EPHA8: variants seen among roughly 807,000 people sequenced by gnomAD.
EPHA8 encodes the protein EPH receptor A8, also known as ephrin type-A receptor 8.
A neutral mutation model predicts 103.6 loss-of-function variants in EPHA8; 58 were observed. That is an observed-to-expected ratio of 0.56 (90% CI 0.45 to 0.70). The LOEUF is 0.70. EPHA8 is among the 30% of genes least tolerant of loss of function. The pLI, the probability that EPHA8 is intolerant of heterozygous loss-of-function variation, is 0.00. For missense variants in EPHA8, 1,304 were observed against 1,395.2 expected (o/e 0.93, Z 1.04); for synonymous variants, 559 against 572.5 (o/e 0.98, Z 0.34).
At chr1:22,586,657 CA>C in intron 4 of EPHA8, 22 bp downstream of exon 4, 1 of 1,611,416 alleles carries the variant, frequency 6.2e-7, no homozygotes, top group Non-Finnish European at 8.5e-7. Context: ...TCCGAGATGC[CA>C]GTACCCTTGA....
At chr1:22,578,361 C>T (rs1399731417) in intron 3 of EPHA8, among the ~76,000 whole-genome samples, 7 of 124,048 alleles carry the variant, frequency 5.6e-5, no homozygotes, top group Non-Finnish European at 1.0e-4. Context: ...TGTGTGCGTG[C>T]ATGTGTGCGT....
chr1:22,569,237 A>T lies in EPHA8; in HGVS notation c.95-52A>T. 2 of 1,596,516 alleles carry T rather than the reference A, an allele frequency of 1.3e-6. No individual in the cohort carries two copies. Among genetic ancestry groups the T allele is most frequent in the Non-Finnish European group, 1.7e-6 (2 of 1,165,082 alleles). ...TAGCTGGGTCAGGCTGCTCTTGAGG[A>T]GCTGGGGAGAAGTCAGAGGGGCCTG... On this transcript the variant is annotated intron_variant, in intron 1 of 16. Transcript: ENST00000166244. The surrounding 1 kb of genome is among the most constrained non-coding windows in gnomAD (Gnocchi z 4.5).
At position 22,576,763 on chromosome 1, in the gene EPHA8, C is replaced by G. The variant is rs372232524; in HGVS notation, c.706C>G (p.His236Asp). ...GGAGGTGAGGGGCCAGTGCGTGCGG[C>G]ACTCAGAGGAGCGGGACACACCCAA... ...LVEVRGQCVR[H>D]SEERDTPKMY... Residue 236 changes from histidine (H) to aspartate (D), a missense_variant, in exon 3 of 17, where the codon CAC (histidine) becomes GAC (aspartate). His to Asp is a moderately conservative substitution (Grantham distance 81). Transcript: ENST00000166244. The surrounding 1 kb of genome is among the most constrained non-coding windows in gnomAD (Gnocchi z 4.8). 1.3e-5 allele frequency: 21 copies of G among 1,613,800 alleles called. No individual in the cohort carries two copies. Among genetic ancestry groups the G allele is most frequent in the Non-Finnish European group, 1.8e-5 (21 of 1,180,038 alleles).
At position 22,591,333 on chromosome 1, in the gene EPHA8, T is replaced by TCCGGAG. The variant is rs1180695753; in HGVS notation, c.1316-1991_1316-1990insGGAGCC. On this transcript the variant is annotated intron_variant, in intron 5 of 16. Transcript: ENST00000166244. ...TTGATCTCCGGAGCCCAAGTGATCC[T>TCCGGAG]CCCACCTCAGCCTCCCAAGTAGCTG... Among the ~76,000 whole-genome samples the TCCGGAG allele has an allele frequency of 2.8e-4, 43 of 151,780 alleles. No homozygotes were observed. In the East Asian group the frequency reaches 7.0e-3, roughly 25 times the overall value.
intron 4 of EPHA8, 84 bp from the exon 5 acceptor site, chr1:22,588,771 ATGGGGAGCCCTTCCCT>A (rs1641288613): frequency 6.7e-7 from 1 of 1,497,224 alleles, no homozygotes; most frequent in South Asian, 1.4e-5. Context: ...CCTAAATATG[ATGGGGAGCCCTTCCCT>A]TGGGGAGCCC....
chr1:22,584,912 G>A (rs761278033), intron 3 of EPHA8, among the ~76,000 whole-genome samples: 1 of 152,148 alleles, frequency 6.6e-6, no homozygotes, highest in Non-Finnish European at 1.5e-5. Flanking sequence ...ATCTGCCCAC[G>A]GGGGCCTCCC....
chr1:22,587,556 T>C (rs1641251797), intron 4 of EPHA8, among the ~76,000 whole-genome samples: 1 of 152,056 alleles, frequency 6.6e-6, no homozygotes, highest in African/African-American at 2.4e-5. Flanking sequence ...AGCGCCTGGA[T>C]TCTCTCCTCT....
At chr1:22,594,481 GC>G (rs1257049851) in intron 7 of EPHA8, among the ~76,000 whole-genome samples, 1 of 152,196 alleles carries the variant, frequency 6.6e-6, no homozygotes, top group Non-Finnish European at 1.5e-5. Context: ...CTGTGGGTGG[GC>G]CCAGCCATTT....
At chr1:22,601,224 CT>C in intron 15 of EPHA8, 75 bp from the exon 16 acceptor site, 1 of 1,542,322 alleles carries the variant, frequency 6.5e-7, no homozygotes, top group Non-Finnish European at 8.7e-7. Context: ...TGCCGAACCC[CT>C]TCCTCAGCCT....
chr1:22,571,307 C>T (rs879719111), intron 2 of EPHA8, among the ~76,000 whole-genome samples: 7 of 152,218 alleles, frequency 4.6e-5, no homozygotes, highest in Admixed American at 4.6e-4. Flanking sequence ...CAGGCGTAAT[C>T]TCATCACTCC....
At chr1:22,583,076 A>T (rs1157331202) in intron 3 of EPHA8, among the ~76,000 whole-genome samples, 1 of 152,364 alleles carries the variant, frequency 6.6e-6, no homozygotes, top group East Asian at 1.9e-4. Context: ...CCAGGGCCAC[A>T]GGCAGCTGCT....
chr1:22,569,368 C>A lies in EPHA8; in HGVS notation c.159+15C>A. On this transcript the variant is annotated intron_variant, in intron 2 of 16. Transcript: ENST00000166244. The surrounding 1 kb of genome is among the most constrained non-coding windows in gnomAD (Gnocchi z 4.5). ...CGGCTCATGGGGTGAGTGATGGGCA[C>A]TGGGGACAACGTCATCCCTCTGTGA... is the stretch of plus-strand genomic sequence containing the variant. 2 of 1,577,556 alleles carry A rather than the reference C, an allele frequency of 1.3e-6. No individual in the cohort carries two copies.
chr1:22,569,195 C>A lies in EPHA8; in HGVS notation c.95-94C>A. 4 of 1,220,996 alleles carry A rather than the reference C, an allele frequency of 3.3e-6. No homozygotes were observed. The highest frequency in any genetic ancestry group is 3.6e-6 in the Non-Finnish European group (3 of 831,708). The allele number at this position is 1,220,996 out of a possible 1,614,324, so 75.6% of individuals were successfully genotyped here. A position where few individuals can be genotyped will look rare whatever the true frequency, so the allele number is the denominator to read the frequency against. ...ACCCGTGTGAGCTGTGTGCTGGGGG[C>A]TGAGTGTGGACCAGTGTAGCTGGGT... On this transcript the variant is annotated intron_variant, in intron 1 of 16. Coordinates refer to ENST00000166244, the MANE Select transcript of EPHA8 (RefSeq NM_020526.5). This position sits in a 1 kb window ranked among gnomAD's most constrained non-coding sequence, Gnocchi z 4.5.
At chr1:22,578,869 ACG>A (rs1421261874) in intron 3 of EPHA8, among the ~76,000 whole-genome samples, 1 of 140,040 alleles carries the variant, frequency 7.1e-6, no homozygotes, top group East Asian at 2.3e-4. Context: ...GTGTATATGC[ACG>A]TGTCCGTGTG....
chr1:22,585,776 T>C (rs1407459944), intron 3 of EPHA8, among the ~76,000 whole-genome samples: 2 of 152,098 alleles, frequency 1.3e-5, no homozygotes, highest in Non-Finnish European at 2.9e-5. Context: ...ACAGTGACAG[T>C]GTGGGCCTGG....
intron 3 of EPHA8, among the ~76,000 whole-genome samples, chr1:22,584,192 G>C (rs1641123077): frequency 6.6e-6 from 1 of 152,200 alleles, no homozygotes; most frequent in Admixed American, 6.5e-5. Flanking sequence ...GGCTCAGAAG[G>C]AGCCTGTGCC....
At position 22,596,128 on chromosome 1, in the gene EPHA8, T is replaced by G. The variant is rs756098365; in HGVS notation, c.1720T>G (p.Phe574Val). 24 of 1,613,826 alleles carry G rather than the reference T, an allele frequency of 1.5e-5. No individual in the cohort carries two copies. The Admixed American group carries it at 3.7e-4, about 25-fold the overall frequency. The stretch of plus-strand genomic sequence containing the variant: ...CAGGCACTGTGGCTACAGCAAGGCC[T>G]TCCAGGACTCGGACGAGGAGAAGAT... The part of the protein sequence containing the change: ...KKRHCGYSKA[F>V]QDSDEEKMHY... The change falls in exon 9 of 17, where the codon TTC becomes GTC. Residue 574 changes from phenylalanine to valine, a missense_variant. Phe to Val is a conservative substitution (Grantham distance 50, BLOSUM62 -1). Coordinates refer to ENST00000166244, the MANE Select transcript of EPHA8 (RefSeq NM_020526.5).
Position 22,598,798 on chromosome 1 carries a change from C to T in EPHA8, c.2179-40C>T, listed in dbSNP as rs770709368. ...GTTCCTGTTCACGGACCAGGCGCCT[C>T]GCCGGGCTTTCCTGAAGTCCAAGCC... is the stretch of plus-strand genomic sequence containing the variant. On this transcript the variant is annotated intron_variant, in intron 12 of 16. Coordinates refer to ENST00000166244, the MANE Select transcript of EPHA8 (RefSeq NM_020526.5). This position sits in a 1 kb window ranked among gnomAD's most constrained non-coding sequence, Gnocchi z 5.1. 26 of 1,596,956 alleles carry T rather than the reference C, an allele frequency of 1.6e-5. No homozygotes were observed. Among genetic ancestry groups the T allele is most frequent in the South Asian group, 4.4e-5 (4 of 90,356 alleles).
rs1641750904 is a variant in EPHA8, at chr1:22,601,939, C to T, written c.*198C>T. The T allele has an allele frequency of 4.9e-6, 3 of 615,380 alleles. No individual in the cohort carries two copies. In the South Asian group the frequency reaches 6.1e-5, roughly 13 times the overall value. The allele number at this position is 615,380 out of a possible 1,614,324, so 38.1% of individuals were successfully genotyped here. A position where few individuals can be genotyped will look rare whatever the true frequency, so the allele number is the denominator to read the frequency against. ...CCTGGGAAGGGGCCTTTGGTGGCCACCCTGGTGAGGACACCTGTCCCCCAG... is the reference window on the plus strand; with the variant it reads ...CCTGGGAAGGGGCCTTTGGTGGCCATCCTGGTGAGGACACCTGTCCCCCAG... On this transcript the variant is annotated 3_prime_UTR_variant, in exon 17 of 17. Transcript: ENST00000166244.
Sources: gnomAD v4.1 joint callset for allele counts (sites outside exome capture counted in the v4.1 genomes callset) on GRCh38, gnomAD v4.1.1 for gene constraint, Gnocchi (gnomAD v3.1) non-coding constraint, MANE v1.5 for transcripts, NCBI Gene and HGNC (gene_info 2026-07-23, HGNC 2026-07-21) for gene names.